The following SOX5 variants were observed in gnomAD, a reference collection of about 807,000 sequenced individuals.
SOX5 encodes transcription factor SOX-5.
In SOX5, 9 loss-of-function variants were observed where a neutral mutation model predicts 92.0. That is an observed-to-expected ratio of 0.10 (90% CI 0.06 to 0.17). The LOEUF (loss-of-function observed/expected upper bound fraction) is 0.17, where lower values mean the gene tolerates loss of function less well. Among genes scored for constraint, SOX5 ranks in the 10% least tolerant of loss-of-function variants. SOX5 has a pLI of 1.00. For synonymous variants in SOX5, 344 were observed against 336.3 expected, an observed-to-expected ratio of 1.02 and a Z score of -0.25; for missense variants, 642 against 944.5, an observed-to-expected ratio of 0.68 and a Z score of 4.20.
chr12:24,381,137 A>C (rs1298211067), intron 1 of SOX5, among the ~76,000 whole-genome samples: 1 of 152,226 alleles, frequency 6.6e-6, no homozygotes, highest in Admixed American at 6.5e-5. Flanking sequence ...CCTGGCCATG[A>C]CAAATGCCCA....
intron 12 of SOX5, among the ~76,000 whole-genome samples, chr12:23,544,995 G>A (rs1315651175): frequency 6.6e-6 from 1 of 152,192 alleles, no homozygotes; most frequent in Non-Finnish European, 1.5e-5. Context: ...GTTTATCTTA[G>A]CTAAGTGGAG....
At chr12:23,621,758 CTT>C (rs2077210472) in intron 8 of SOX5, among the ~76,000 whole-genome samples, 1 of 152,084 alleles carries the variant, frequency 6.6e-6, no homozygotes, top group African/African-American at 2.4e-5. Context: ...CCAGTAATGC[CTT>C]CCAAGTTAAA....
intron 11 of SOX5, among the ~76,000 whole-genome samples, chr12:23,554,032 A>G (rs1471149242): frequency 6.6e-6 from 1 of 151,994 alleles, no homozygotes; most frequent in Non-Finnish European, 1.5e-5. Flanking sequence ...AAACAGGCAC[A>G]TCAGGGTTAT....
chr12:23,548,716 T>C (rs916405260), intron 11 of SOX5, among the ~76,000 whole-genome samples: 6 of 151,844 alleles, frequency 4.0e-5, no homozygotes, highest in Admixed American at 2.0e-4. Flanking sequence ...ATAACTTAAG[T>C]AAAAAATAAT....
intron 6 of SOX5, among the ~76,000 whole-genome samples, chr12:23,690,299 C>T (rs977533658): frequency 1.3e-5 from 2 of 152,160 alleles, no homozygotes; most frequent in Admixed American, 1.3e-4. Context: ...ATGCCAGAAA[C>T]GGCCATAAGT....
chr12:24,223,828 T>A (rs1961160392), intron 3 of SOX5, among the ~76,000 whole-genome samples: 1 of 151,666 alleles, frequency 6.6e-6, no homozygotes, highest in African/African-American at 2.4e-5. Context: ...CACGAATGAG[T>A]TTTGCTTCCG....
At chr12:23,973,882 A>T (rs116691491) in intron 4 of SOX5, among the ~76,000 whole-genome samples, 1,703 of 152,286 alleles carry the variant, frequency 0.011, 39 homozygotes, top group African/African-American at 0.039. Context: ...TCATATGAGA[A>T]TCTAACTAAT....
chr12:24,372,490 T>C (rs1407868742), intron 1 of SOX5, among the ~76,000 whole-genome samples: 1 of 152,204 alleles, frequency 6.6e-6, no homozygotes, highest in Non-Finnish European at 1.5e-5. Context: ...TACATAGTAT[T>C]CTATGGTGTC....
At chr12:23,890,663 T>C (rs961340123) in intron 2 of SOX5, among the ~76,000 whole-genome samples, 2 of 152,182 alleles carry the variant, frequency 1.3e-5, no homozygotes, top group African/African-American at 4.8e-5. Flanking sequence ...AATACTCATA[T>C]TGATTGACAT....
At chr12:24,335,075 AT>A (rs1951741783) in intron 2 of SOX5, among the ~76,000 whole-genome samples, 1 of 152,188 alleles carries the variant, frequency 6.6e-6, no homozygotes, top group East Asian at 1.9e-4. Context: ...TTTTGATACA[AT>A]AAAAGAATTA....
At chr12:23,889,422 C>CA (rs2097105612) in intron 2 of SOX5, among the ~76,000 whole-genome samples, 1 of 152,114 alleles carries the variant, frequency 6.6e-6, no homozygotes, top group African/African-American at 2.4e-5. Context: ...TAACACCATC[C>CA]TAGTCAAACA....
intron 4 of SOX5, among the ~76,000 whole-genome samples, chr12:24,030,349 C>A (rs1167334867): frequency 1.3e-5 from 2 of 151,856 alleles, no homozygotes; most frequent in East Asian, 3.9e-4. Flanking sequence ...AAAACAGACA[C>A]GTAGACCAAT....
chr12:23,789,567 A>G (rs1007154101), intron 3 of SOX5, among the ~76,000 whole-genome samples: 12 of 152,128 alleles, frequency 7.9e-5, no homozygotes, highest in Admixed American at 6.5e-4. Flanking sequence ...ATTAACCTAG[A>G]TCTTGAAAGG....
chr12:24,223,512 G>A lies in SOX5; in HGVS notation c.-76-10095C>T, dbSNP rs952630556. On this transcript the variant is annotated intron_variant, in intron 3 of 4. Transcript: ENST00000446891. Reference sequence around the variant, plus strand: ...CTCACACCTGTAATCCCAGTACTTTGTGAGTCCAAGGCAGGAGGATTGCTT... The same window carrying A: ...CTCACACCTGTAATCCCAGTACTTTATGAGTCCAAGGCAGGAGGATTGCTT... Among the ~76,000 whole-genome samples, 2 of 152,170 alleles carry A rather than the reference G, an allele frequency of 1.3e-5. 1 individual carries two copies. The highest frequency in any genetic ancestry group is 2.9e-5 in the Non-Finnish European group (2 of 68,036).
At chr12:23,845,323 T>C (rs2096562860) in intron 3 of SOX5, among the ~76,000 whole-genome samples, 1 of 152,218 alleles carries the variant, frequency 6.6e-6, no homozygotes, top group South Asian at 2.1e-4. Context: ...TGATTGTCAA[T>C]TATGCATAAG....
chr12:24,263,528 AAAAAAAAAAAAAC>A lies in SOX5; in HGVS notation c.-77+13675_-77+13687del, dbSNP rs1210836617. Among the ~76,000 whole-genome samples, 8 of 25,192 alleles carry A rather than the reference AAAAAAAAAAAAAC, an allele frequency of 3.2e-4. No homozygotes were observed. The East Asian group carries it at 9.9e-3, about 31-fold the overall frequency. 16.5% of individuals were successfully genotyped at this position (25,192 alleles called of 152,430 possible). A position where few individuals can be genotyped will look rare whatever the true frequency, so the allele number is the denominator to read the frequency against. ...GGGCGACAGAGCGAGACTCCGTCTC[AAAAAAAAAAAAAC>A]AAAAAAAAAAACAAAAACAAGAAAT... is the stretch of plus-strand genomic sequence containing the variant. On this transcript the variant is annotated intron_variant, in intron 3 of 4. Coordinates refer to the SOX5 transcript ENST00000446891.
chr12:23,975,339 AC>A (rs1228517329), intron 4 of SOX5, among the ~76,000 whole-genome samples: 7 of 151,902 alleles, frequency 4.6e-5, no homozygotes, highest in African/African-American at 1.7e-4. Flanking sequence ...AATATGATAT[AC>A]TTTTTTTAAA....
intron 2 of SOX5, among the ~76,000 whole-genome samples, chr12:24,350,490 C>T (rs946742976): frequency 1.3e-5 from 2 of 152,176 alleles, no homozygotes; most frequent in South Asian, 2.1e-4. Flanking sequence ...CCTATAGGCA[C>T]GTGCCACCAT....
At chr12:23,922,332 A>G (rs1261842074) in intron 1 of SOX5, among the ~76,000 whole-genome samples, 2 of 152,258 alleles carry the variant, frequency 1.3e-5, no homozygotes, top group Non-Finnish European at 2.9e-5. Flanking sequence ...CATTTAGAAT[A>G]TAAGAATTTC....
Sources: gnomAD v4.1 joint callset for allele counts (sites outside exome capture counted in the v4.1 genomes callset) on GRCh38, gnomAD v4.1.1 for gene constraint, MANE v1.5 for transcripts, NCBI Gene and HGNC (gene_info 2026-07-23, HGNC 2026-07-21) for gene names.